The following SEMA5A variants were observed in gnomAD, a reference collection of about 807,000 sequenced individuals.
SEMA5A encodes the protein semaphorin-5A.
SEMA5A carries 55 observed loss-of-function variants against 135.5 expected under a neutral mutation model. The observed-to-expected ratio is 0.41, with a 90% confidence interval of 0.33 to 0.51. SEMA5A has a LOEUF of 0.51. Among genes scored for constraint, SEMA5A ranks in the 20% least tolerant of loss-of-function variants. The probability of loss-of-function intolerance (pLI) is 0.37; values close to 1 mark genes in which losing one functional copy is unlikely to be tolerated. For missense variants in SEMA5A, 1,290 were observed against 1,419.9 expected (o/e 0.91, Z 1.47); for synonymous variants, 580 against 546.5 (o/e 1.06, Z -0.85).
rs1561207607 is a variant in SEMA5A at position 9,384,583 on chromosome 5, G to GATAC, written c.-77-4561_-77-4560insGTAT. ...AGATAGATAGATACATAGATAGATA[G>GATAC]ATAGATAGATAGATAGATAGATAGA... On this transcript the variant is annotated intron_variant, in intron 2 of 22. Transcript: ENST00000382496. Among the ~76,000 whole-genome samples, 111 of 85,068 alleles carry GATAC rather than the reference G, an allele frequency of 1.3e-3. 3 individuals carry two copies. Among genetic ancestry groups the GATAC allele is most frequent in the Admixed American group, 2.7e-3 (21 of 7,662 alleles). The allele number at this position is 85,068 out of a possible 152,430, so 55.8% of individuals were successfully genotyped here.
chr5:9,152,907 A>C (rs945523904), intron 12 of SEMA5A, among the ~76,000 whole-genome samples: 5 of 152,140 alleles, frequency 3.3e-5, no homozygotes, highest in Non-Finnish European at 7.3e-5. Context: ...CCCTGTCTCT[A>C]CTAAAAATAC....
chr5:9,113,697 A>G (rs969929404), intron 15 of SEMA5A, among the ~76,000 whole-genome samples: 8 of 152,268 alleles, frequency 5.3e-5, no homozygotes, highest in Non-Finnish European at 7.3e-5. Flanking sequence ...GCACATGAGA[A>G]GATGCTCAAC....
chr5:9,512,664 G>A (rs140888633), intron 1 of SEMA5A, among the ~76,000 whole-genome samples: 1 of 152,256 alleles, frequency 6.6e-6, no homozygotes, highest in African/African-American at 2.4e-5. Context: ...ATCTCAAGAA[G>A]AGCCTGATCC....
intron 2 of SEMA5A, among the ~76,000 whole-genome samples, chr5:9,391,324 G>A (rs1161751137): frequency 1.3e-5 from 2 of 152,110 alleles, no homozygotes; most frequent in Non-Finnish European, 2.9e-5. Context: ...GGGGCAGAGG[G>A]GCAGGATGGG....
At chr5:9,458,896 T>A (rs1412142921) in intron 1 of SEMA5A, among the ~76,000 whole-genome samples, 3 of 152,178 alleles carry the variant, frequency 2.0e-5, no homozygotes, top group African/African-American at 7.2e-5. Flanking sequence ...CATCCTTTAA[T>A]GCCCCCAGGG....
chr5:9,221,071 A>T (rs1579644515), intron 8 of SEMA5A, among the ~76,000 whole-genome samples: 1 of 151,848 alleles, frequency 6.6e-6, no homozygotes, highest in South Asian at 2.1e-4. Context: ...CGCCTTCACC[A>T]CCCCATTGTA....
intron 8 of SEMA5A, among the ~76,000 whole-genome samples, chr5:9,212,669 C>T (rs1746403597): frequency 6.6e-6 from 1 of 152,168 alleles, no homozygotes; most frequent in Non-Finnish European, 1.5e-5. Context: ...ATTAATAGAA[C>T]ATTCTCCCAT....
intron 8 of SEMA5A, among the ~76,000 whole-genome samples, chr5:9,202,832 A>C (rs1006587667): frequency 6.6e-6 from 1 of 152,076 alleles, no homozygotes; most frequent in Non-Finnish European, 1.5e-5. Flanking sequence ...TTCTGTTGCT[A>C]TGGTGACCAT....
intron 16 of SEMA5A, among the ~76,000 whole-genome samples, chr5:9,088,655 T>TACACACACAC (rs1278733458): frequency 2.0e-5 from 2 of 99,764 alleles, no homozygotes; most frequent in Non-Finnish European, 4.3e-5. Context: ...TATATATATA[T>TACACACACAC]ATATACACAC....
At chr5:9,105,803 T>C (rs1008705331) in intron 16 of SEMA5A, among the ~76,000 whole-genome samples, 15 of 152,212 alleles carry the variant, frequency 9.9e-5, no homozygotes, top group African/African-American at 2.2e-4. Flanking sequence ...ATCTTGATAA[T>C]AGAACTCAAT....
In SEMA5A at chr5:9,044,544, G is replaced by A; in HGVS notation, c.2934C>T (p.Ser978=). 1 of 1,614,068 alleles carries A rather than the reference G, an allele frequency of 6.2e-7. No individual in the cohort carries two copies. Among genetic ancestry groups the A allele is most frequent in the Non-Finnish European group, 8.5e-7 (1 of 1,180,024 alleles). The part of the protein sequence containing the change: ...MFHMIAVGLS[S]SILGCLLTLL... ...GGGTGAGGAGGCAGCCGAGGATGGA[G>A]CTGCTCAGCCCCACGGCGATCATGT... Residue 978 remains serine (S), a synonymous_variant, in exon 22 of 23, where the codon AGC becomes AGT. Transcript: ENST00000382496.
At chr5:9,332,667 A>G (rs1753205625) in intron 4 of SEMA5A, among the ~76,000 whole-genome samples, 1 of 152,138 alleles carries the variant, frequency 6.6e-6, no homozygotes. Context: ...TGGTACTCAC[A>G]TTACATCAGG....
At position 9,088,988 on chromosome 5, in the gene SEMA5A, G is replaced by A. The variant is rs571880526; in HGVS notation, c.2073+19152C>T. On this transcript the variant is annotated intron_variant, in intron 16 of 22. Coordinates refer to ENST00000382496, the MANE Select transcript of SEMA5A (RefSeq NM_003966.3). ...TTTTGCCAGAGCTGCTGTCATTCAC[G>A]TAAGATTCTGTTCTCCTAAATTTAC... Among the ~76,000 whole-genome samples the A allele has an allele frequency of 8.5e-5, 13 of 152,236 alleles. No individual in the cohort carries two copies. In the South Asian group the frequency reaches 1.5e-3, roughly 17 times the overall value.
chr5:9,444,066 A>C (rs930469362), intron 1 of SEMA5A, among the ~76,000 whole-genome samples: 36 of 152,216 alleles, frequency 2.4e-4, no homozygotes, highest in Admixed American at 2.4e-3. Flanking sequence ...ATTGCTGGCC[A>C]CTTTACATTC....
chr5:9,539,169 G>A (rs1737942030), intron 1 of SEMA5A, among the ~76,000 whole-genome samples: 1 of 152,246 alleles, frequency 6.6e-6, no homozygotes, highest in African/African-American at 2.4e-5. Flanking sequence ...CATCTTTATG[G>A]GTTTGCCTTT....
At chr5:9,114,747 T>C (rs1026297361) in intron 15 of SEMA5A, among the ~76,000 whole-genome samples, 7 of 152,164 alleles carry the variant, frequency 4.6e-5, no homozygotes, top group Non-Finnish European at 1.0e-4. Context: ...GAACAGGAAC[T>C]GGATGATTTT....
chr5:9,386,667 G>A (rs905779980), intron 2 of SEMA5A, among the ~76,000 whole-genome samples: 1 of 152,222 alleles, frequency 6.6e-6, no homozygotes, highest in Non-Finnish European at 1.5e-5. Context: ...GGACATTAGA[G>A]TGCCTGCCAC....
intron 14 of SEMA5A, among the ~76,000 whole-genome samples, chr5:9,121,585 T>A (rs1740814812): frequency 6.6e-6 from 1 of 152,256 alleles, no homozygotes; most frequent in African/African-American, 2.4e-5. Context: ...CAACAGCAGT[T>A]TGATAGTTTT....
chr5:9,414,780 G>A (rs1356277711), intron 2 of SEMA5A, among the ~76,000 whole-genome samples: 1 of 152,150 alleles, frequency 6.6e-6, no homozygotes, highest in East Asian at 1.9e-4. Flanking sequence ...ATGAATCCCA[G>A]CTTCATGACT....
Sources: gnomAD v4.1 joint callset for allele counts (sites outside exome capture counted in the v4.1 genomes callset) on GRCh38, gnomAD v4.1.1 for gene constraint, MANE v1.5 for transcripts, NCBI Gene and HGNC (gene_info 2026-07-23, HGNC 2026-07-21) for gene names.